Variants in EFCAB6 observed in about 807,000 individuals in gnomAD.
EFCAB6 encodes the protein EF-hand calcium-binding domain-containing protein 6.
A neutral mutation model predicts 169.8 loss-of-function variants in EFCAB6; 156 were observed. The ratio of observed to expected loss-of-function variants is 0.92; its 90% CI spans 0.81 to 1.05. EFCAB6 has a LOEUF of 1.05. EFCAB6 is among the 50% of genes least tolerant of loss of function. EFCAB6 has a pLI of 0.00. For synonymous variants in EFCAB6, 698 were observed against 676.4 expected, an observed-to-expected ratio of 1.03 and a Z score of -0.50; for missense variants, 1,800 against 1,829.1, an observed-to-expected ratio of 0.98 and a Z score of 0.29.
chr22:43,571,693 G>C (rs977258916), intron 26 of EFCAB6, among the ~76,000 whole-genome samples: 1 of 152,144 alleles, frequency 6.6e-6, no homozygotes, highest in Non-Finnish European at 1.5e-5. Context: ...CAATGTTGCA[G>C]GACCCAAGTG....
Position 43,784,666 on chromosome 22 carries a change from TATAC to T in EFCAB6, c.-7-2345_-7-2342del, listed in dbSNP as rs1332784839. The stretch of plus-strand genomic sequence containing the variant: ...ACACATATATATGTGTATATATACA[TATAC>T]ATATATACACACACACACACACACA... On this transcript the variant is annotated intron_variant, in intron 2 of 31. Coordinates refer to ENST00000262726, the MANE Select transcript of EFCAB6 (RefSeq NM_022785.4). 9.3e-4 allele frequency among the ~76,000 whole-genome samples: 56 copies of T among 60,460 alleles called. 1 individual carries two copies. The highest frequency in any genetic ancestry group is 2.2e-3 in the South Asian group (4 of 1,828). 39.7% of individuals were successfully genotyped at this position (60,460 alleles called of 152,430 possible).
At chr22:43,774,427 G>A (rs2061573500) in intron 3 of EFCAB6, among the ~76,000 whole-genome samples, 1 of 151,588 alleles carries the variant, frequency 6.6e-6, no homozygotes, top group African/African-American at 2.4e-5. Context: ...CAGCACAGCA[G>A]GCTCTGGGGG....
chr22:43,681,893 G>GATCAC (rs796743390), intron 12 of EFCAB6, among the ~76,000 whole-genome samples: 100 of 152,330 alleles, frequency 6.6e-4, no homozygotes, highest in African/African-American at 2.4e-3. Flanking sequence ...AAATGTAAGT[G>GATCAC]ATCACAGCAG....
intron 10 of EFCAB6, among the ~76,000 whole-genome samples, chr22:43,698,714 A>G (rs1429542791): frequency 6.6e-6 from 1 of 152,068 alleles, no homozygotes; most frequent in African/African-American, 2.4e-5. Flanking sequence ...AATAAAGAGA[A>G]CCCCAAGGAC....
intron 6 of EFCAB6, among the ~76,000 whole-genome samples, chr22:43,752,577 G>A (rs189283200): frequency 2.9e-3 from 436 of 152,282 alleles, no homozygotes; most frequent in Non-Finnish European, 4.6e-3. Context: ...TTCCTTGCCC[G>A]TGATTGCTTT....
intron 17 of EFCAB6, among the ~76,000 whole-genome samples, chr22:43,665,290 C>A (rs2057196310): frequency 6.6e-6 from 1 of 152,092 alleles, no homozygotes; most frequent in African/African-American, 2.4e-5. Context: ...GAACCTGCAA[C>A]TGAGCTGATG....
intron 17 of EFCAB6, among the ~76,000 whole-genome samples, chr22:43,638,054 C>T (rs5764174): frequency 0.23 from 35,517 of 151,990 alleles, 5,481 homozygotes; most frequent in East Asian, 0.65. Context: ...GTCGCAGGAG[C>T]GTAATCCCCA....
intron 8 of EFCAB6, among the ~76,000 whole-genome samples, chr22:43,721,976 T>C (rs2059545267): frequency 1.3e-5 from 2 of 152,106 alleles, no homozygotes; most frequent in African/African-American, 4.8e-5. Flanking sequence ...GGAGAAAATA[T>C]TTGAAAAGTA....
At chr22:43,729,771 T>G (rs1174254478) in intron 8 of EFCAB6, among the ~76,000 whole-genome samples, 1 of 152,108 alleles carries the variant, frequency 6.6e-6, no homozygotes, top group Non-Finnish European at 1.5e-5. Flanking sequence ...GAAACAACAT[T>G]AGAGATCTAG....
intron 10 of EFCAB6, among the ~76,000 whole-genome samples, chr22:43,708,590 A>T (rs917753160): frequency 6.6e-6 from 1 of 152,218 alleles, no homozygotes; most frequent in Non-Finnish European, 1.5e-5. Flanking sequence ...TTTAAAACAT[A>T]TAGATATATG....
chr22:43,626,620 A>C lies in EFCAB6; in HGVS notation c.2292T>G (p.His764Gln). 6.2e-7 allele frequency: 1 copy of C among 1,614,242 alleles called. No homozygotes were observed. Among genetic ancestry groups the C allele is most frequent in the Non-Finnish European group, 8.5e-7 (1 of 1,180,048 alleles). ...DADRDGIINM[H>Q]DLHRLLLHLL... ...GATGCAGGAGCAGTCTGTGAAGGTC[A>C]TGCATGTTGATTATGCCATCCCTGT... Residue 764 changes from histidine (H) to glutamine (Q), a missense_variant, in exon 20 of 32, where the codon CAT becomes CAG. Transcript: ENST00000262726.
rs564621404 is a variant in EFCAB6 at position 43,667,256 on chromosome 22, C to A, written c.1831G>T (p.Asp611Tyr). 2 of 1,613,538 alleles carry A rather than the reference C, an allele frequency of 1.2e-6. No individual in the cohort carries two copies. Among genetic ancestry groups the A allele is most frequent in the South Asian group, 2.2e-5 (2 of 90,966 alleles). The change falls in exon 17 of 32, where the codon GAT (aspartate) becomes TAT (tyrosine). Residue 611 changes from aspartate (D) to tyrosine (Y), a missense_variant. Coordinates refer to ENST00000262726, the MANE Select transcript of EFCAB6 (RefSeq NM_022785.4). ...ATCTTCTTGGTCAGGGTGGTTTTAT[C>A]CTCCGTGAGCTTGGTTCTAAAATCA... Reference protein sequence around the residue: ...DLSERTKLTEDKTTLTKKMTT... With the variant: ...DLSERTKLTEYKTTLTKKMTT...
At chr22:43,642,677 CTT>C (rs1418002855) in intron 17 of EFCAB6, among the ~76,000 whole-genome samples, 3 of 152,198 alleles carry the variant, frequency 2.0e-5, no homozygotes, top group African/African-American at 7.2e-5. Context: ...AATTCAAACT[CTT>C]TTGGCAAATG....
At chr22:43,740,115 C>T (rs910664664) in intron 6 of EFCAB6, among the ~76,000 whole-genome samples, 2 of 152,180 alleles carry the variant, frequency 1.3e-5, no homozygotes, top group East Asian at 3.9e-4. Context: ...CTGCCTGGAA[C>T]ATTCTTCCCC....
intron 4 of EFCAB6, among the ~76,000 whole-genome samples, chr22:43,766,249 T>A (rs2061323660): frequency 6.6e-6 from 1 of 152,166 alleles, no homozygotes; most frequent in Non-Finnish European, 1.5e-5. Context: ...GCCAGGATGG[T>A]CTTGAACTCC....
At chr22:43,700,234 T>A (rs2058719052) in intron 10 of EFCAB6, among the ~76,000 whole-genome samples, 1 of 152,178 alleles carries the variant, frequency 6.6e-6, no homozygotes, top group Non-Finnish European at 1.5e-5. Flanking sequence ...GATTTTTATG[T>A]CTTATTACCA....
chr22:43,756,536 G>A (rs1488815704), intron 5 of EFCAB6, among the ~76,000 whole-genome samples: 1 of 152,158 alleles, frequency 6.6e-6, no homozygotes, highest in Non-Finnish European at 1.5e-5. Context: ...AGGGTGGGAG[G>A]AGAACACGAG....
At chr22:43,755,190 T>A (rs1159121836) in intron 6 of EFCAB6, among the ~76,000 whole-genome samples, 1 of 152,220 alleles carries the variant, frequency 6.6e-6, no homozygotes, top group Admixed American at 6.5e-5. Flanking sequence ...CCCAAATGCA[T>A]TTTAAAAAGG....
intron 13 of EFCAB6, among the ~76,000 whole-genome samples, chr22:43,677,337 A>AC (rs1216918252): frequency 6.6e-6 from 1 of 152,220 alleles, no homozygotes; most frequent in Non-Finnish European, 1.5e-5. Flanking sequence ...GTAGTCACTC[A>AC]CAAATACTCC....
Sources: allele counts gnomAD v4.1 joint callset (sites outside exome capture counted in the v4.1 genomes callset), GRCh38; gene constraint gnomAD v4.1.1; transcripts MANE v1.5; gene names NCBI Gene and HGNC (gene_info 2026-07-23, HGNC 2026-07-21).